The following NLRP8 variants were observed in gnomAD, a reference collection of about 807,000 sequenced individuals.
NLRP8 encodes the protein NLR family pyrin domain containing 8.
A neutral mutation model predicts 88.7 loss-of-function variants in NLRP8; 86 were observed. The ratio of observed to expected loss-of-function variants is 0.97; its 90% CI spans 0.81 to 1.16. The LOEUF (loss-of-function observed/expected upper bound fraction) is 1.16, where lower values mean the gene tolerates loss of function less well. Among genes scored for constraint, NLRP8 ranks in the 50% most tolerant of loss-of-function variants. The pLI is 0.00. For synonymous variants in NLRP8, 504 were observed against 494.6 expected (o/e 1.02, Z -0.25); for missense variants, 1,342 against 1,286.5 (o/e 1.04, Z -0.66).
chr19:55,984,437 C>A (rs1241954736), intron 9 of NLRP8, among the ~76,000 whole-genome samples: 1 of 143,176 alleles, frequency 7.0e-6, no homozygotes, highest in Non-Finnish European at 1.5e-5. Flanking sequence ...GGGGGATCAC[C>A]TGAGGTCAGG....
intron 6 of NLRP8, among the ~76,000 whole-genome samples, chr19:55,973,385 GCTGT>G (rs1246468147): frequency 1.4e-4 from 22 of 152,162 alleles, no homozygotes; most frequent in African/African-American, 4.8e-4. Context: ...CACTCTGTGG[GCTGT>G]CTGTTAACTC....
intron 6 of NLRP8, among the ~76,000 whole-genome samples, chr19:55,971,552 C>T (rs976524578): frequency 2.0e-5 from 3 of 151,330 alleles, no homozygotes; most frequent in African/African-American, 7.3e-5. Flanking sequence ...GTTAATTCCT[C>T]TTCACTACAG....
intron 5 of NLRP8, among the ~76,000 whole-genome samples, chr19:55,967,915 C>A (rs1979913465): frequency 1.3e-5 from 2 of 152,194 alleles, no homozygotes; most frequent in African/African-American, 4.8e-5. Context: ...TAGGGTGCAG[C>A]AAACTTTTTC....
In NLRP8 at chr19:55,962,152, A is replaced by G. The variant is rs376577011; in HGVS notation, c.2128A>G (p.Met710Val). Residue 710 changes from methionine to valine, a missense_variant, in exon 4 of 10, where the codon ATG becomes GTG. Transcript: ENST00000291971. ...GAATGATAAGCTGGAAGTCCTGACTATGACCAACAGTGTTTTGGGGCCTCC... is the reference window on the plus strand; with the variant it reads ...GAATGATAAGCTGGAAGTCCTGACTGTGACCAACAGTGTTTTGGGGCCTCC... 6.2e-7 allele frequency: 1 copy of G among 1,614,086 alleles called. No individual in the cohort carries two copies.
At chr19:55,969,932 TG>T (rs1980001196) in intron 5 of NLRP8, among the ~76,000 whole-genome samples, 1 of 152,186 alleles carries the variant, frequency 6.6e-6, no homozygotes, top group Non-Finnish European at 1.5e-5. Flanking sequence ...GAGAAGACAG[TG>T]GCTGTGAGAC....
chr19:55,986,471 CAT>C lies in NLRP8; in HGVS notation c.3048-1341_3048-1340del, dbSNP rs74179652. Among the ~76,000 whole-genome samples the C allele has an allele frequency of 7.1e-3, 378 of 53,488 alleles. 2 individuals are homozygous for C. Among genetic ancestry groups the C allele is most frequent in the Middle Eastern group, 0.029 (4 of 140 alleles). 35.1% of individuals were successfully genotyped at this position (53,488 alleles called of 152,430 possible). On this transcript the variant is annotated intron_variant, in intron 9 of 9. Coordinates refer to ENST00000291971, the MANE Select transcript of NLRP8 (RefSeq NM_176811.2). ...TCTCTCTCACACACACACTCTCTCA[CAT>C]ACACACACACACACACACACACACA...
chr19:55,972,496 C>T (rs910045339), intron 6 of NLRP8, among the ~76,000 whole-genome samples: 14 of 151,062 alleles, frequency 9.3e-5, no homozygotes, highest in African/African-American at 2.9e-4. Flanking sequence ...TAAGCTTTTT[C>T]GTGGTGATTT....
At chr19:55,968,153 TG>T (rs1362863965) in intron 5 of NLRP8, among the ~76,000 whole-genome samples, 1 of 152,192 alleles carries the variant, frequency 6.6e-6, no homozygotes, top group Non-Finnish European at 1.5e-5. Flanking sequence ...AAAATTTTTG[TG>T]GCGGCTGGAC....
chr19:55,952,536 A>C lies in NLRP8; in HGVS notation c.368-2A>C. 1 of 1,613,342 alleles carries C rather than the reference A, an allele frequency of 6.2e-7. No homozygotes were observed. The highest frequency in any genetic ancestry group is 8.5e-7 in the Non-Finnish European group (1 of 1,179,380). On this transcript the variant is annotated splice_acceptor_variant, in intron 1 of 9. Coordinates refer to ENST00000291971, the MANE Select transcript of NLRP8 (RefSeq NM_176811.2). LOFTEE classifies it high-confidence loss of function. ...GGAACAGCCTCCTTTTTTCTGTTAC[A>C]GCCATTCTGCCTACCTTGGAACCAG...
intron 3 of NLRP8, 89 bp from the exon 4 acceptor site, chr19:55,961,978 C>A: frequency 7.3e-7 from 1 of 1,366,990 alleles, no homozygotes. Context: ...TGGCCCTAAC[C>A]AGGATAGGGA....
In NLRP8 at chr19:55,952,572, T is replaced by C; in HGVS notation, c.402T>C (p.Asn134=). The change falls in exon 2 of 10, where the codon AAT becomes AAC. Residue 134 remains asparagine, a synonymous_variant. Coordinates refer to ENST00000291971, the MANE Select transcript of NLRP8 (RefSeq NM_176811.2). ...CTACCTTGGAACCAGAGGACTTGAA[T>C]GTGGGAGAAACACAGGTGAATCTGG... 1 of 1,614,104 alleles carries C rather than the reference T, an allele frequency of 6.2e-7. No individual in the cohort carries two copies.
chr19:55,961,697 G>A (rs1173107750), intron 3 of NLRP8, among the ~76,000 whole-genome samples: 1 of 152,130 alleles, frequency 6.6e-6, no homozygotes, highest in African/African-American at 2.4e-5. Flanking sequence ...AGCTCCTCAG[G>A]CAGATGAAGT....
rs35767678 is a variant in NLRP8 at position 55,953,792 on chromosome 19, C to CTTTTT, written c.443-686_443-682dup. ...ACAGGCGTAAGCCACTGTGCCTGGC[C>CTTTTT]TTTTTTTTTTTTTTTTTTTTTTTTT... On this transcript the variant is annotated intron_variant, in intron 2 of 9. Coordinates refer to ENST00000291971, the MANE Select transcript of NLRP8 (RefSeq NM_176811.2). Among the ~76,000 whole-genome samples, 84 of 55,244 alleles carry CTTTTT rather than the reference C, an allele frequency of 1.5e-3. 7 individuals carry two copies. The highest frequency in any genetic ancestry group is 5.9e-3 in the African/African-American group (81 of 13,768). 36.2% of individuals were successfully genotyped at this position (55,244 alleles called of 152,430 possible).
At position 55,987,798 on chromosome 19, in the gene NLRP8, C is replaced by T; in HGVS notation, c.3048-16C>T. On this transcript the variant is annotated splice_polypyrimidine_tract_variant and intron_variant, in intron 9 of 9. Transcript: ENST00000291971. ...AAAATAACCTCAACCAGCAGCCTTC[C>T]TTTACCTCCCTCCAGCTGTATTCCT... 6.3e-7 allele frequency: 1 copy of T among 1,599,870 alleles called. No individual in the cohort carries two copies. Among genetic ancestry groups the T allele is most frequent in the Admixed American group, 1.7e-5 (1 of 59,970 alleles).
Position 55,988,178 on chromosome 19 carries a change from G to T in NLRP8, c.*265G>T. 1 of 238,690 alleles carries T rather than the reference G, an allele frequency of 4.2e-6. No homozygotes were observed. The highest frequency in any genetic ancestry group is 5.4e-5 in the Admixed American group (1 of 18,604). The allele number at this position is 238,690 out of a possible 1,614,324, so 14.8% of individuals were successfully genotyped here. On this transcript the variant is annotated 3_prime_UTR_variant, in exon 10 of 10. Coordinates refer to ENST00000291971, the MANE Select transcript of NLRP8 (RefSeq NM_176811.2). ...AGGTCGAGGTGGGCAGATTACCTGAGGTCAGGAGTTCCAGACCAGCCTGGC... is the reference window on the plus strand; with the variant it reads ...AGGTCGAGGTGGGCAGATTACCTGATGTCAGGAGTTCCAGACCAGCCTGGC...
chr19:55,978,404 T>G (rs578143098), intron 8 of NLRP8, among the ~76,000 whole-genome samples: 12 of 152,190 alleles, frequency 7.9e-5, no homozygotes, highest in African/African-American at 2.9e-4. Context: ...TGAAATTGCA[T>G]GACGTATAAA....
chr19:55,958,943 G>A (rs546483888), intron 3 of NLRP8, among the ~76,000 whole-genome samples: 81 of 151,890 alleles, frequency 5.3e-4, no homozygotes, highest in African/African-American at 1.9e-3. Flanking sequence ...CAGTGGTGAG[G>A]TCTCGGATCA....
rs763129545 is a variant in NLRP8 at position 55,966,352 on chromosome 19, TC to T, written c.2359del (p.Arg787GlyfsTer32). On this transcript the variant is annotated frameshift_variant, in exon 5 of 10. Coordinates refer to ENST00000291971, the MANE Select transcript of NLRP8 (RefSeq NM_176811.2). LOFTEE classifies it high-confidence loss of function. ...GAAGCTTCTATGCAGGGTGCTGAGA[TC>T]CCCCCGGTGCCGTCTGCAGTGTCTC... The T allele has an allele frequency of 1.9e-6, 3 of 1,613,526 alleles. No homozygotes were observed. The highest frequency in any genetic ancestry group is 2.2e-5 in the East Asian group (1 of 44,846).
chr19:55,948,192 CTTGGGATGTGACTT>C lies in NLRP8; in HGVS notation c.291_304del (p.Trp98GlufsTer9). On this transcript the variant is annotated frameshift_variant, in exon 1 of 10. Coordinates refer to ENST00000291971, the MANE Select transcript of NLRP8 (RefSeq NM_176811.2). LOFTEE classifies it high-confidence loss of function. The stretch of plus-strand genomic sequence containing the variant: ...ATAGAGCGTTTCCCTGGACGACGCG[CTTGGGATGTGACTT>C]CGAACATCTTTGCCATTATGAACTG... 1 of 1,614,156 alleles carries C rather than the reference CTTGGGATGTGACTT, an allele frequency of 6.2e-7. No individual in the cohort carries two copies.
Sources: gnomAD v4.1 joint callset for allele counts (sites outside exome capture counted in the v4.1 genomes callset) on GRCh38, gnomAD v4.1.1 for gene constraint, MANE v1.5 for transcripts, NCBI Gene and HGNC (gene_info 2026-07-23, HGNC 2026-07-21) for gene names.